Variants in DLG2 observed in about 807,000 individuals in gnomAD.
DLG2 encodes discs large MAGUK scaffold protein 2.
A neutral mutation model predicts 132.5 loss-of-function variants in DLG2; 45 were observed. That is an observed-to-expected ratio of 0.34 (90% CI 0.27 to 0.44). The LOEUF (loss-of-function observed/expected upper bound fraction) is 0.44. Among genes scored for constraint, DLG2 ranks in the 20% least tolerant of loss-of-function variants. The pLI, the probability that DLG2 is intolerant of heterozygous loss-of-function variation, is 1.00. For synonymous variants in DLG2, 424 were observed against 419.6 expected (o/e 1.01, Z -0.13); for missense variants, 1,045 against 1,196.9 (o/e 0.87, Z 1.87).
Position 84,316,577 on chromosome 11 carries a change from C to T in DLG2, c.520-65286G>A, listed in dbSNP as rs542114966. Reference sequence around the variant, plus strand: ...AAGACTATGATAAAAAATAATATAACCTGAGGACTAGAGAAGTTGAAGAAA... The same window carrying T: ...AAGACTATGATAAAAAATAATATAATCTGAGGACTAGAGAAGTTGAAGAAA... On this transcript the variant is annotated intron_variant, in intron 7 of 27. Coordinates refer to ENST00000376104, the MANE Select transcript of DLG2 (RefSeq NM_001142699.3). Among the ~76,000 whole-genome samples the T allele has an allele frequency of 4.6e-5, 7 of 152,102 alleles. No homozygotes were observed. The South Asian group carries it at 1.5e-3, about 32-fold the overall frequency.
chr11:83,802,201 C>G (rs916180426), intron 17 of DLG2, among the ~76,000 whole-genome samples: 2 of 151,974 alleles, frequency 1.3e-5, no homozygotes, highest in African/African-American at 4.8e-5. Context: ...CTTGAAGCAC[C>G]AATATGTCTT....
intron 5 of DLG2, among the ~76,000 whole-genome samples, chr11:85,151,310 T>G (rs1399580700): frequency 6.6e-6 from 1 of 152,178 alleles, no homozygotes; most frequent in Non-Finnish European, 1.5e-5. Context: ...CCAGTTCCAT[T>G]GGTTGTCTTT....
rs140244595 is a variant in DLG2 at position 85,278,025 on chromosome 11, AG to A, written c.186+7194del. Among the ~76,000 whole-genome samples the A allele has an allele frequency of 5.3e-3, 813 of 152,326 alleles. 6 individuals are homozygous for A. The highest frequency in any genetic ancestry group is 0.018 in the African/African-American group (754 of 41,574). ...TTTAAATGCTATAGTATTGCAATTA[AG>A]GCTCTCAAGCAGACAGCTAGAATAA... is the stretch of plus-strand genomic sequence containing the variant. On this transcript the variant is annotated intron_variant, in intron 4 of 27. Coordinates refer to ENST00000376104, the MANE Select transcript of DLG2 (RefSeq NM_001142699.3).
intron 6 of DLG2, among the ~76,000 whole-genome samples, chr11:84,660,026 C>T (rs1174842096): frequency 6.6e-6 from 1 of 152,066 alleles, no homozygotes; most frequent in Admixed American, 6.6e-5. Context: ...TATTACCAAC[C>T]AGGAAAGCTC....
intron 6 of DLG2, among the ~76,000 whole-genome samples, chr11:85,063,358 A>G (rs2064392615): frequency 6.6e-6 from 1 of 151,884 alleles, no homozygotes; most frequent in African/African-American, 2.4e-5. Context: ...ATTCTCTCAT[A>G]GTCCACTGCA....
At chr11:84,197,353 C>T (rs2096535666) in intron 8 of DLG2, among the ~76,000 whole-genome samples, 1 of 152,032 alleles carries the variant, frequency 6.6e-6, no homozygotes, top group African/African-American at 2.4e-5. Context: ...AAATATAAAA[C>T]ACAAATCATT....
At chr11:83,775,344 A>C (rs1448595091) in intron 18 of DLG2, among the ~76,000 whole-genome samples, 1 of 152,164 alleles carries the variant, frequency 6.6e-6, no homozygotes, top group African/African-American at 2.4e-5. Context: ...AGGATGGTGC[A>C]CGGGTTGTTC....
intron 7 of DLG2, among the ~76,000 whole-genome samples, chr11:84,396,569 T>C (rs998678865): frequency 6.6e-6 from 1 of 152,210 alleles, no homozygotes; most frequent in Admixed American, 6.5e-5. Flanking sequence ...TTTGCAAGTG[T>C]CTGTGATTTA....
At chr11:83,665,091 C>A (rs1487181268) in intron 18 of DLG2, among the ~76,000 whole-genome samples, 1 of 152,072 alleles carries the variant, frequency 6.6e-6, no homozygotes, top group Non-Finnish European at 1.5e-5. Context: ...AATAGAATGC[C>A]TTGAAACTTT....
At chr11:84,263,144 G>C (rs919646299) in intron 7 of DLG2, among the ~76,000 whole-genome samples, 1 of 152,128 alleles carries the variant, frequency 6.6e-6, no homozygotes, top group East Asian at 1.9e-4. Flanking sequence ...AAGGAATAAA[G>C]AGGGAAATGG....
chr11:84,069,514 A>G (rs1464890107), intron 10 of DLG2, among the ~76,000 whole-genome samples: 2 of 152,192 alleles, frequency 1.3e-5, no homozygotes, highest in African/African-American at 4.8e-5. Flanking sequence ...TTCAGCTAAG[A>G]CCAACTGATA....
chr11:83,797,358 T>G (rs1397012004), intron 17 of DLG2, among the ~76,000 whole-genome samples: 1 of 152,108 alleles, frequency 6.6e-6, no homozygotes, highest in Non-Finnish European at 1.5e-5. Flanking sequence ...ATAACAACTG[T>G]GTGAAGTAAG....
chr11:85,191,103 T>C (rs1369609652), intron 4 of DLG2, among the ~76,000 whole-genome samples: 1 of 151,606 alleles, frequency 6.6e-6, no homozygotes, highest in African/African-American at 2.4e-5. Context: ...AGCAAAGACA[T>C]GGAATCAATC....
chr11:84,083,172 CG>C (rs2096927939), intron 10 of DLG2, among the ~76,000 whole-genome samples: 2 of 152,026 alleles, frequency 1.3e-5, no homozygotes, highest in South Asian at 4.1e-4. Context: ...CCCAGCTACT[CG>C]GGAGGCTGAG....
At chr11:84,843,489 C>CCAT (rs2080971963) in intron 6 of DLG2, among the ~76,000 whole-genome samples, 1 of 151,650 alleles carries the variant, frequency 6.6e-6, no homozygotes, top group Non-Finnish European at 1.5e-5. Context: ...TTAGCCACCT[C>CCAT]CATCATCATC....
chr11:84,962,939 A>G (rs2052795476), intron 6 of DLG2, among the ~76,000 whole-genome samples: 1 of 152,232 alleles, frequency 6.6e-6, no homozygotes, highest in African/African-American at 2.4e-5. Context: ...TCAAGTTCTC[A>G]TCTTTAACAA....
intron 7 of DLG2, among the ~76,000 whole-genome samples, chr11:84,330,046 A>G (rs750636751): frequency 1.3e-5 from 2 of 152,188 alleles, no homozygotes; most frequent in East Asian, 3.9e-4. Flanking sequence ...AAATAACATA[A>G]GCTCATTTCT....
At chr11:84,137,071 G>A (rs550774016) in intron 9 of DLG2, among the ~76,000 whole-genome samples, 59 of 152,216 alleles carry the variant, frequency 3.9e-4, no homozygotes, top group Non-Finnish European at 7.4e-4. Context: ...CTTTTGATGA[G>A]AATCACAGAT....
intron 3 of DLG2, among the ~76,000 whole-genome samples, chr11:85,369,075 C>T (rs777299933): frequency 1.3e-5 from 2 of 152,174 alleles, no homozygotes; most frequent in Non-Finnish European, 2.9e-5. Context: ...AAATCTCTCA[C>T]TATTGCTCCT....
Sources: gnomAD v4.1 joint callset for allele counts (sites outside exome capture counted in the v4.1 genomes callset) on GRCh38, gnomAD v4.1.1 for gene constraint, MANE v1.5 for transcripts, NCBI Gene and HGNC (gene_info 2026-07-23, HGNC 2026-07-21) for gene names.